Variants in PDZD8 observed in about 807,000 individuals in gnomAD.
PDZD8 encodes PDZ domain containing 8, also known as PDZ domain-containing protein 8.
PDZD8 carries 14 observed loss-of-function variants against 85.8 expected under a neutral mutation model. The observed-to-expected ratio is 0.16, with a 90% CI of 0.11 to 0.26. PDZD8 has a LOEUF of 0.26. Among genes scored for constraint, PDZD8 ranks in the 10% least tolerant of loss-of-function variants. The pLI, the probability that PDZD8 is intolerant of heterozygous loss-of-function variation, is 1.00. For synonymous variants in PDZD8, 592 were observed against 568.6 expected, an observed-to-expected ratio of 1.04 and a Z score of -0.59; for missense variants, 1,197 against 1,424.3, an observed-to-expected ratio of 0.84 and a Z score of 2.57.
Position 117,287,929 on chromosome 10 carries a change from A to G in PDZD8, c.1261+2257T>C, listed in dbSNP as rs73394917. On this transcript the variant is annotated intron_variant, in intron 4 of 4. Transcript: ENST00000334464. ...AAATTATAGTTTGACATATGCATAA[A>G]TGAAAAATTAGTCCATCTAATGATC... is the stretch of plus-strand genomic sequence containing the variant. 3.5e-3 allele frequency among the ~76,000 whole-genome samples: 539 copies of G among 152,328 alleles called. 8 individuals are homozygous for G. The highest frequency in any genetic ancestry group is 0.012 in the African/African-American group (516 of 41,576).
intron 2 of PDZD8, among the ~76,000 whole-genome samples, chr10:117,330,611 C>T (rs1360686169): frequency 2.0e-5 from 3 of 152,176 alleles, no homozygotes; most frequent in African/African-American, 7.2e-5. Flanking sequence ...CTAGTTATCC[C>T]ACGTGTCCCT....
intron 1 of PDZD8, among the ~76,000 whole-genome samples, chr10:117,349,678 C>A (rs1844769649): frequency 6.6e-6 from 1 of 152,130 alleles, no homozygotes; most frequent in African/African-American, 2.4e-5. Flanking sequence ...TGGTGCGCTC[C>A]TGTAGTTCCA....
intron 2 of PDZD8, among the ~76,000 whole-genome samples, chr10:117,331,397 G>A (rs925511740): frequency 6.6e-6 from 1 of 152,136 alleles, no homozygotes; most frequent in African/African-American, 2.4e-5. Flanking sequence ...GAGAGGTTGA[G>A]TAACATGCCA....
chr10:117,312,630 G>C (rs995423993), intron 3 of PDZD8, among the ~76,000 whole-genome samples: 1 of 152,176 alleles, frequency 6.6e-6, no homozygotes, highest in African/African-American at 2.4e-5. Context: ...TCAGGAACAT[G>C]AGATTTATCT....
At chr10:117,360,915 T>C (rs1179401296) in intron 1 of PDZD8, among the ~76,000 whole-genome samples, 4 of 152,142 alleles carry the variant, frequency 2.6e-5, no homozygotes, top group South Asian at 2.1e-4. Flanking sequence ...TTAAAAATTA[T>C]TGAGGATCCC....
intron 1 of PDZD8, among the ~76,000 whole-genome samples, chr10:117,342,957 G>C (rs1486406635): frequency 6.6e-6 from 1 of 151,954 alleles, no homozygotes. Flanking sequence ...CCCCTCTTTC[G>C]CACTCGGCCA....
intron 1 of PDZD8, among the ~76,000 whole-genome samples, chr10:117,371,102 T>C (rs1456620541): frequency 6.6e-6 from 1 of 152,216 alleles, no homozygotes; most frequent in Non-Finnish European, 1.5e-5. Context: ...GTGAGAAGTA[T>C]GCTATATCTT....
At chr10:117,290,699 T>C (rs1376207630) in intron 3 of PDZD8, among the ~76,000 whole-genome samples, 1 of 152,072 alleles carries the variant, frequency 6.6e-6, no homozygotes, top group Non-Finnish European at 1.5e-5. Flanking sequence ...TTCTAATATA[T>C]ATTTAACACA....
chr10:117,321,428 T>C (rs1564698956), intron 2 of PDZD8, among the ~76,000 whole-genome samples: 1 of 152,140 alleles, frequency 6.6e-6, no homozygotes, highest in Non-Finnish European at 1.5e-5. Flanking sequence ...ATATAAAATA[T>C]CTTGAATAGG....
Position 117,283,806 on chromosome 10 carries a change from T to C in PDZD8, c.2927A>G (p.Asp976Gly). The C allele has an allele frequency of 6.2e-7, 1 of 1,614,254 alleles. No individual in the cohort carries two copies. Among genetic ancestry groups the C allele is most frequent in the Non-Finnish European group, 8.5e-7 (1 of 1,180,042 alleles). ...GACCTCCGTGTCACTGCCTTCGTTG[T>C]CTGACGTGTTGGGTGTGTGTTTTGG... ...PSPKHTPNTS[D>G]NEGSDTEVCG... The change falls in exon 5 of 5, where the codon GAC becomes GGC. Residue 976 changes from aspartate to glycine, a missense_variant. By Grantham distance (94) the Asp-to-Gly change is moderately conservative. Transcript: ENST00000334464.
At chr10:117,324,208 CAAAAAAAAAAAAAAAA>C (rs60898350) in intron 2 of PDZD8, among the ~76,000 whole-genome samples, 5 of 29,236 alleles carry the variant, frequency 1.7e-4, no homozygotes, top group African/African-American at 2.7e-4. Flanking sequence ...GACTCCATCT[CAAAAAAAAAAAAAAAA>C]AAAAAAAAAA....
intron 1 of PDZD8, among the ~76,000 whole-genome samples, chr10:117,372,297 T>C (rs1038087748): frequency 6.6e-6 from 1 of 152,242 alleles, no homozygotes; most frequent in Admixed American, 6.5e-5. Flanking sequence ...TACTTTTAAA[T>C]GGTTGTTATT....
chr10:117,308,414 G>A (rs2532842), intron 3 of PDZD8, among the ~76,000 whole-genome samples: 116,843 of 151,994 alleles, frequency 0.77, 45,566 homozygotes, highest in Non-Finnish European at 0.85. Context: ...GGGGATTTAT[G>A]AGGACACACA....
intron 3 of PDZD8, among the ~76,000 whole-genome samples, chr10:117,307,943 T>A (rs1403090780): frequency 6.6e-6 from 1 of 152,054 alleles, no homozygotes; most frequent in Non-Finnish European, 1.5e-5. Flanking sequence ...AACTTCACAT[T>A]TACAGCAAAA....
intron 2 of PDZD8, among the ~76,000 whole-genome samples, chr10:117,333,594 A>C (rs888178516): frequency 1.3e-5 from 2 of 152,254 alleles, no homozygotes; most frequent in Admixed American, 6.5e-5. Flanking sequence ...CAATGCTAAC[A>C]TAAACGGGAT....
At chr10:117,359,114 A>G (rs752046324) in intron 1 of PDZD8, among the ~76,000 whole-genome samples, 46 of 152,144 alleles carry the variant, frequency 3.0e-4, no homozygotes, top group Non-Finnish European at 5.6e-4. Flanking sequence ...GTGCAAGAGA[A>G]CAAATTAACA....
At chr10:117,334,108 T>G (rs1297766154) in intron 2 of PDZD8, among the ~76,000 whole-genome samples, 1 of 152,160 alleles carries the variant, frequency 6.6e-6, no homozygotes, top group Non-Finnish European at 1.5e-5. Flanking sequence ...TAAACAAAAT[T>G]TTTTATCACA....
chr10:117,337,485 A>T lies in PDZD8; in HGVS notation c.995+3495T>A, dbSNP rs1166634292. Among the ~76,000 whole-genome samples, 3 of 152,242 alleles carry T rather than the reference A, an allele frequency of 2.0e-5. No homozygotes were observed. The East Asian group carries it at 5.8e-4, about 29-fold the overall frequency. On this transcript the variant is annotated intron_variant, in intron 2 of 4. Coordinates refer to ENST00000334464, the MANE Select transcript of PDZD8 (RefSeq NM_173791.5). ...AAGCAAAATGTGAAAACCAATTTTT[A>T]CACATAATACTGCCTTTCCACCCTC...
In PDZD8 at chr10:117,277,341, C is replaced by A; in HGVS notation, c.*5927G>T. On this transcript the variant is annotated 3_prime_UTR_variant, in exon 5 of 5. Transcript: ENST00000334464. The stretch of plus-strand genomic sequence containing the variant: ...TTCCAGTGACACAACTCATCCAGAA[C>A]TGTCTTAGTCATACCATCCATCCCT... The A allele has an allele frequency of 2.4e-6, 2 of 850,332 alleles. No homozygotes were observed. Among genetic ancestry groups the A allele is most frequent in the Non-Finnish European group, 3.7e-6 (2 of 537,446 alleles). The allele number at this position is 850,332 out of a possible 1,614,324, so 52.7% of individuals were successfully genotyped here.
Sources: allele counts gnomAD v4.1 joint callset (sites outside exome capture counted in the v4.1 genomes callset), GRCh38; gene constraint gnomAD v4.1.1; transcripts MANE v1.5; gene names NCBI Gene and HGNC (gene_info 2026-07-23, HGNC 2026-07-21).